The following NELL1 variants were observed in gnomAD, a reference collection of about 807,000 sequenced individuals.
NELL1 encodes protein kinase C-binding protein NELL1.
NELL1 carries 76 observed loss-of-function variants against 107.4 expected under a neutral mutation model. The observed-to-expected ratio is 0.71, with a 90% CI of 0.59 to 0.86. The LOEUF (loss-of-function observed/expected upper bound fraction) is 0.86, where lower values mean the gene tolerates loss of function less well. NELL1 is among the 40% of genes least tolerant of loss of function. NELL1 has a pLI of 0.00. For synonymous variants in NELL1, 353 were observed against 341.2 expected, an observed-to-expected ratio of 1.03 and a Z score of -0.38; for missense variants, 1,024 against 1,005.5, an observed-to-expected ratio of 1.02 and a Z score of -0.25.
At position 21,497,805 on chromosome 11, in the gene NELL1, A is replaced by C. The variant is rs74832002; in HGVS notation, c.1646-36569A>C. Among the ~76,000 whole-genome samples, 2,470 of 152,048 alleles carry C rather than the reference A, an allele frequency of 0.016. 198 individuals are homozygous for C. In the East Asian group the frequency reaches 0.26, roughly 16 times the overall value. On this transcript the variant is annotated intron_variant, in intron 15 of 19. Transcript: ENST00000357134. ...TTTATGTCAGATTCTACTTGAATTC[A>C]TGAGTATTCACTCTTTGTAATTAGC...
At chr11:21,020,405 C>T (rs1266682421) in intron 12 of NELL1, among the ~76,000 whole-genome samples, 1 of 152,040 alleles carries the variant, frequency 6.6e-6, no homozygotes, top group Non-Finnish European at 1.5e-5. Context: ...ACTATATAGT[C>T]CAACGAGTGT....
chr11:20,815,103 C>T (rs1181443952), intron 3 of NELL1, among the ~76,000 whole-genome samples: 2 of 152,014 alleles, frequency 1.3e-5, no homozygotes. Context: ...CTCTCTCTGT[C>T]GCCCAGGCTG....
intron 5 of NELL1, among the ~76,000 whole-genome samples, chr11:20,886,923 C>T (rs1849521464): frequency 6.6e-6 from 1 of 152,150 alleles, no homozygotes; most frequent in Admixed American, 6.6e-5. Flanking sequence ...GGAAAATCTA[C>T]ACTGTATTAT....
At chr11:20,903,819 T>C (rs1418254216) in intron 5 of NELL1, among the ~76,000 whole-genome samples, 2 of 152,122 alleles carry the variant, frequency 1.3e-5, no homozygotes, top group African/African-American at 4.8e-5. Context: ...ACCAACTTTG[T>C]TGGAACTTAG....
intron 14 of NELL1, among the ~76,000 whole-genome samples, chr11:21,359,287 A>G (rs1384801045): frequency 2.0e-5 from 3 of 152,070 alleles, no homozygotes; most frequent in African/African-American, 7.2e-5. Context: ...ACATTTATTG[A>G]CTTGTGTATG....
chr11:20,958,610 T>A (rs1381564818), intron 11 of NELL1, among the ~76,000 whole-genome samples: 3 of 152,168 alleles, frequency 2.0e-5, no homozygotes, highest in Non-Finnish European at 2.9e-5. Flanking sequence ...AAAACTATTT[T>A]TTAAGTATGA....
rs79179177 is a variant in NELL1 at position 21,464,964 on chromosome 11, A to G, written c.1646-69410A>G. Reference sequence around the variant, plus strand: ...AAAAGCAGATAATACTTAGAAAGCTATTTGGTAAATATTGCACAAAACTTT... The same window carrying G: ...AAAAGCAGATAATACTTAGAAAGCTGTTTGGTAAATATTGCACAAAACTTT... On this transcript the variant is annotated intron_variant, in intron 15 of 19. Transcript: ENST00000357134. Among the ~76,000 whole-genome samples the G allele has an allele frequency of 1.7e-3, 253 of 152,292 alleles. 1 individual carries two copies. The highest frequency in any genetic ancestry group is 5.7e-3 in the African/African-American group (237 of 41,578).
At chr11:21,520,350 C>T (rs903055885) in intron 15 of NELL1, among the ~76,000 whole-genome samples, 1 of 152,124 alleles carries the variant, frequency 6.6e-6, no homozygotes, top group Non-Finnish European at 1.5e-5. Context: ...AACCCAGTAA[C>T]TACTTCAGGA....
intron 14 of NELL1, among the ~76,000 whole-genome samples, chr11:21,288,618 A>C (rs1169594021): frequency 1.3e-5 from 2 of 152,214 alleles, no homozygotes; most frequent in Non-Finnish European, 2.9e-5. Flanking sequence ...CTAGTTGCTT[A>C]TCTGTGCAAT....
rs141897196 is a variant in NELL1, at chr11:21,402,234, T to C, written c.1645+31286T>C. On this transcript the variant is annotated intron_variant, in intron 15 of 19. Coordinates refer to ENST00000357134, the MANE Select transcript of NELL1 (RefSeq NM_006157.5). Reference sequence around the variant, plus strand: ...CAGATGAAGTTTGACAATTACACTCTAGAATGATTCTACTTTGATCTCTTT... The same window carrying C: ...CAGATGAAGTTTGACAATTACACTCCAGAATGATTCTACTTTGATCTCTTT... Among the ~76,000 whole-genome samples the C allele has an allele frequency of 1.1e-3, 169 of 151,936 alleles. 3 individuals carry two copies. Among genetic ancestry groups the C allele is most frequent in the African/African-American group, 3.9e-3 (162 of 41,408 alleles).
At position 20,703,058 on chromosome 11, in the gene NELL1, A is replaced by G. The variant is rs576863672; in HGVS notation, c.184+24998A>G. On this transcript the variant is annotated intron_variant, in intron 2 of 19. Transcript: ENST00000357134. ...GATTCCCTCTTTTTTCTATTGATTGAAATAGTTTCAGAAGGAATGGTACCA... is the reference window on the plus strand; with the variant it reads ...GATTCCCTCTTTTTTCTATTGATTGGAATAGTTTCAGAAGGAATGGTACCA... 2.9e-3 allele frequency among the ~76,000 whole-genome samples: 445 copies of G among 152,220 alleles called. 1 individual carries two copies. Among genetic ancestry groups the G allele is most frequent in the Non-Finnish European group, 5.1e-3 (346 of 68,014 alleles).
intron 12 of NELL1, among the ~76,000 whole-genome samples, chr11:21,072,330 C>T (rs1413085901): frequency 6.6e-6 from 1 of 152,092 alleles, no homozygotes; most frequent in Non-Finnish European, 1.5e-5. Flanking sequence ...AAGAACAATC[C>T]AAGTTGAAAT....
At chr11:20,874,425 G>A (rs1050216636) in intron 4 of NELL1, among the ~76,000 whole-genome samples, 4 of 152,194 alleles carry the variant, frequency 2.6e-5, no homozygotes, top group Non-Finnish European at 5.9e-5. Context: ...CATGGCAGAA[G>A]TTTACACCTG....
chr11:21,391,303 CAGGAA>C (rs1192400728), intron 15 of NELL1, among the ~76,000 whole-genome samples: 1 of 151,694 alleles, frequency 6.6e-6, no homozygotes, highest in African/African-American at 2.4e-5. Context: ...TTTTCATCCT[CAGGAA>C]ATTTGATGAT....
At chr11:21,348,445 C>T (rs1850732435) in intron 14 of NELL1, among the ~76,000 whole-genome samples, 1 of 152,030 alleles carries the variant, frequency 6.6e-6, no homozygotes, top group African/African-American at 2.4e-5. Flanking sequence ...AAGTAAAGTA[C>T]ATGTAAACCA....
At chr11:21,464,474 T>TA (rs1347827936) in intron 15 of NELL1, among the ~76,000 whole-genome samples, 5 of 151,874 alleles carry the variant, frequency 3.3e-5, no homozygotes, top group Admixed American at 6.6e-5. Flanking sequence ...TAACAGTCTG[T>TA]AGTTATTCTT....
rs1850126313 is a variant in NELL1, at chr11:20,911,297, G to C, written c.604-6885G>C. On this transcript the variant is annotated intron_variant, in intron 5 of 19. Coordinates refer to ENST00000357134, the MANE Select transcript of NELL1 (RefSeq NM_006157.5). ...GAATACTTCCTATGTTACAGACTTTGGCCCTGCATATAGTATCTCAGTTAA... is the reference window on the plus strand; with the variant it reads ...GAATACTTCCTATGTTACAGACTTTCGCCCTGCATATAGTATCTCAGTTAA... Among the ~76,000 whole-genome samples the C allele has an allele frequency of 2.0e-5, 3 of 152,282 alleles. No individual in the cohort carries two copies. In the South Asian group the frequency reaches 6.2e-4, roughly 32 times the overall value.
At chr11:21,463,920 T>C (rs1704507476) in intron 15 of NELL1, among the ~76,000 whole-genome samples, 1 of 152,028 alleles carries the variant, frequency 6.6e-6, no homozygotes, top group African/African-American at 2.4e-5. Flanking sequence ...TACTAACACA[T>C]CTGAAAACTG....
chr11:21,188,549 A>G (rs1168059169), intron 13 of NELL1, among the ~76,000 whole-genome samples: 1 of 151,846 alleles, frequency 6.6e-6, no homozygotes, highest in Non-Finnish European at 1.5e-5. Flanking sequence ...TTAAGTCCAC[A>G]AGGCTGTTAT....
Sources: allele counts gnomAD v4.1 joint callset (sites outside exome capture counted in the v4.1 genomes callset), GRCh38; gene constraint gnomAD v4.1.1; transcripts MANE v1.5; gene names NCBI Gene and HGNC (gene_info 2026-07-23, HGNC 2026-07-21).